USH2A: variants seen among roughly 807,000 people sequenced by gnomAD.
The protein encoded by USH2A is usherin.
Under a neutral mutation model 538.9 loss-of-function variants are expected in USH2A, and 443 were observed. That is an observed-to-expected ratio of 0.82 (90% CI 0.76 to 0.89). The LOEUF is 0.89. Ranked by LOEUF, USH2A falls within the 40% of genes least tolerant of loss-of-function variation. The pLI is 0.00. For synonymous variants in USH2A, 2,413 were observed against 2,273.5 expected (o/e 1.06, Z -1.75); for missense variants, 6,633 against 6,324.8 (o/e 1.05, Z -1.65).
chr1:215,958,708 T>C (rs1321642265), intron 37 of USH2A, among the ~76,000 whole-genome samples: 2 of 152,052 alleles, frequency 1.3e-5, no homozygotes, highest in Non-Finnish European at 2.9e-5. Flanking sequence ...ATGCCCCTCC[T>C]GATCCCCACA....
At chr1:216,168,777 T>C (rs554165785) in intron 21 of USH2A, among the ~76,000 whole-genome samples, 3,147 of 152,178 alleles carry the variant, frequency 0.021, 102 homozygotes, top group African/African-American at 0.071. Context: ...ACTCATGAAA[T>C]AGCTATCACC....
At chr1:215,686,126 T>A (rs1658416929) in intron 61 of USH2A, among the ~76,000 whole-genome samples, 1 of 152,076 alleles carries the variant, frequency 6.6e-6, no homozygotes, top group Non-Finnish European at 1.5e-5. Context: ...TTTTTGAGCA[T>A]CTTTTATGCA....
chr1:215,841,567 T>G (rs941489132), intron 46 of USH2A, among the ~76,000 whole-genome samples: 7 of 152,170 alleles, frequency 4.6e-5, no homozygotes, highest in Non-Finnish European at 1.0e-4. Context: ...AAGACTTAAA[T>G]GTAAAACCCA....
At chr1:216,009,290 C>G (rs796451241) in intron 32 of USH2A, among the ~76,000 whole-genome samples, 9 of 152,218 alleles carry the variant, frequency 5.9e-5, no homozygotes, top group African/African-American at 2.2e-4. Flanking sequence ...CTTCTTCTCC[C>G]TTAGCCTGTG....
At chr1:216,012,429 T>C (rs1443143702) in intron 32 of USH2A, among the ~76,000 whole-genome samples, 1 of 152,082 alleles carries the variant, frequency 6.6e-6, no homozygotes, top group Non-Finnish European at 1.5e-5. Context: ...AAATACCTCT[T>C]AGTCTAGGTA....
Position 216,408,763 on chromosome 1 carries a change from C to A in USH2A, c.651+9751G>T, listed in dbSNP as rs569001132. Among the ~76,000 whole-genome samples the A allele has an allele frequency of 1.7e-3, 258 of 152,250 alleles. 2 individuals carry two copies. The highest frequency in any genetic ancestry group is 5.9e-3 in the African/African-American group (246 of 41,560). Reference sequence around the variant, plus strand: ...AAGTGAAATACAGTTTCCTTGAACACAAGTTACAACTGTGATACAGCAACA... The same window carrying A: ...AAGTGAAATACAGTTTCCTTGAACAAAAGTTACAACTGTGATACAGCAACA... On this transcript the variant is annotated intron_variant, in intron 3 of 71. Transcript: ENST00000307340.
At chr1:215,655,413 T>G (rs1245427363) in intron 64 of USH2A, among the ~76,000 whole-genome samples, 1 of 152,222 alleles carries the variant, frequency 6.6e-6, no homozygotes, top group Non-Finnish European at 1.5e-5. Flanking sequence ...GAACCACTTC[T>G]TGCCTCCTAA....
chr1:216,238,610 T>C (rs560334326), intron 13 of USH2A, among the ~76,000 whole-genome samples: 1 of 152,338 alleles, frequency 6.6e-6, no homozygotes, highest in South Asian at 2.1e-4. Context: ...CTAATGTACC[T>C]TCTAATGTGC....
intron 13 of USH2A, among the ~76,000 whole-genome samples, chr1:216,234,741 T>C (rs619803): frequency 0.94 from 143,600 of 152,144 alleles, 67,850 homozygotes; most frequent in African/African-American, 0.98. Flanking sequence ...AAATTAAGGG[T>C]GATTTTTAGA....
rs73090713 is a variant in USH2A, at chr1:215,807,945, A to G, written c.9739+5791T>C. ...TTGAGTATTCTAACTCAGCAGCCCA[A>G]TGGACATCAGAAACATTAATACCCT... On this transcript the variant is annotated intron_variant, in intron 49 of 71. Transcript: ENST00000307340. Among the ~76,000 whole-genome samples the G allele has an allele frequency of 4.0e-3, 610 of 152,250 alleles. 4 individuals are homozygous for G. The highest frequency in any genetic ancestry group is 0.014 in the African/African-American group (564 of 41,574).
At chr1:216,147,139 C>A (rs1046815630) in intron 21 of USH2A, among the ~76,000 whole-genome samples, 1 of 151,986 alleles carries the variant, frequency 6.6e-6, no homozygotes, top group African/African-American at 2.4e-5. Flanking sequence ...TCCTGCCTGT[C>A]CCCTCAGTAC....
intron 24 of USH2A, among the ~76,000 whole-genome samples, chr1:216,085,495 TCGAATTTCA>T (rs2032100565): frequency 1.3e-5 from 2 of 151,768 alleles, no homozygotes; most frequent in Admixed American, 1.3e-4. Context: ...TGCACTGAGG[TCGAATTTCA>T]CACAGCCACC....
At chr1:216,098,711 C>T (rs563100149) in intron 21 of USH2A, among the ~76,000 whole-genome samples, 17 of 152,076 alleles carry the variant, frequency 1.1e-4, no homozygotes, top group South Asian at 2.1e-4. Flanking sequence ...CTAATAAGCC[C>T]ATAACTGACA....
intron 24 of USH2A, among the ~76,000 whole-genome samples, chr1:216,086,011 G>C (rs1359885032): frequency 1.3e-5 from 2 of 151,992 alleles, no homozygotes; most frequent in Non-Finnish European, 2.9e-5. Context: ...GGAGAGACTT[G>C]GGAGGCACCC....
chr1:215,959,824 A>T (rs1355006689), intron 37 of USH2A, among the ~76,000 whole-genome samples: 1 of 152,154 alleles, frequency 6.6e-6, no homozygotes, highest in African/African-American at 2.4e-5. Flanking sequence ...GGACTCAGCA[A>T]TTAGCACACG....
At chr1:216,149,424 G>A (rs1444056502) in intron 21 of USH2A, among the ~76,000 whole-genome samples, 2 of 151,914 alleles carry the variant, frequency 1.3e-5, no homozygotes. Flanking sequence ...ACCCCTTACC[G>A]TCCTCAATCT....
chr1:215,963,664 C>CT (rs1363264976), intron 37 of USH2A, among the ~76,000 whole-genome samples: 1 of 152,050 alleles, frequency 6.6e-6, no homozygotes, highest in Non-Finnish European at 1.5e-5. Flanking sequence ...TAAAAAGTCA[C>CT]TTTTTTCCTC....
intron 14 of USH2A, among the ~76,000 whole-genome samples, chr1:216,231,284 C>T (rs1474785901): frequency 1.2e-4 from 6 of 48,156 alleles, no homozygotes; most frequent in South Asian, 9.0e-4. Flanking sequence ...TATATATACA[C>T]AGAGAGACAG....
At chr1:215,944,190 G>C (rs1262188050) in intron 37 of USH2A, among the ~76,000 whole-genome samples, 2 of 152,078 alleles carry the variant, frequency 1.3e-5, no homozygotes, top group East Asian at 1.9e-4. Context: ...GTAAATAAAG[G>C]CTTATTAGAA....
Sources: allele counts gnomAD v4.1 joint callset (sites outside exome capture counted in the v4.1 genomes callset), GRCh38; gene constraint gnomAD v4.1.1; transcripts MANE v1.5; gene names NCBI Gene and HGNC (gene_info 2026-07-23, HGNC 2026-07-21).